The following NIPAL1 variants were observed in gnomAD, a reference collection of about 807,000 sequenced individuals.
NIPAL1 encodes the protein NIPA like domain containing 1, also known as magnesium transporter NIPA3.
Under a neutral mutation model 37.7 loss-of-function variants are expected in NIPAL1, and 35 were observed. The ratio of observed to expected loss-of-function variants is 0.93; its 90% confidence interval spans 0.71 to 1.23. The LOEUF (loss-of-function observed/expected upper bound fraction) is 1.23. Ranked by LOEUF, NIPAL1 falls within the 50% of genes most tolerant of loss-of-function variation. NIPAL1 has a pLI of 0.00. For synonymous variants in NIPAL1, 162 were observed against 183.0 expected (o/e 0.89, Z 0.93); for missense variants, 412 against 473.9 (o/e 0.87, Z 1.21).
chr4:48,035,019 G>A lies in NIPAL1; in HGVS notation c.600G>A (p.Met200Ile). The A allele has an allele frequency of 6.2e-7, 1 of 1,613,972 alleles. No homozygotes were observed. The highest frequency in any genetic ancestry group is 1.1e-5 in the South Asian group (1 of 91,062). ...AGGAAGTCACATCTTTGCATGAAAT[G>A]GAAATGAAATTGAGAGACCCAGGTC... is the stretch of plus-strand genomic sequence containing the variant. ...QEEEVTSLHEMEMKLRDPGFI... is the reference protein window; with the variant it reads ...QEEEVTSLHEIEMKLRDPGFI... The change falls in exon 5 of 6, where the codon ATG (methionine) becomes ATA (isoleucine). Residue 200 changes from methionine (M) to isoleucine (I), a missense_variant. Physicochemically the swap from Met to Ile is conservative, Grantham distance 10 (BLOSUM62 1). Transcript: ENST00000295461.
At chr4:48,024,983 C>A in intron 1 of NIPAL1, 85 bp from the exon 2 acceptor site, 1 of 1,228,948 alleles carries the variant, frequency 8.1e-7, no homozygotes, top group South Asian at 1.4e-5. Context: ...ACCATCCACT[C>A]AAGGCTCTGT....
At chr4:48,029,091 A>G (rs1188862696) in intron 2 of NIPAL1, among the ~76,000 whole-genome samples, 1 of 152,178 alleles carries the variant, frequency 6.6e-6, no homozygotes, top group Non-Finnish European at 1.5e-5. Flanking sequence ...AAAAGAAATC[A>G]TTTTATGAAA....
intron 2 of NIPAL1, among the ~76,000 whole-genome samples, chr4:48,028,607 G>T (rs1715746958): frequency 6.6e-6 from 1 of 151,890 alleles, no homozygotes; most frequent in Non-Finnish European, 1.5e-5. Context: ...TGCAGAGCAA[G>T]AAAAATAATC....
In NIPAL1 at chr4:48,035,550, T is replaced by G. The variant is rs767411419; in HGVS notation, c.623-12T>G. On this transcript the variant is annotated splice_polypyrimidine_tract_variant and intron_variant, in intron 5 of 5. Coordinates refer to ENST00000295461, the MANE Select transcript of NIPAL1 (RefSeq NM_207330.3). ...CATTTTCTAAAGTCAAATTCTTTTC[T>G]CCTTCTAACAGGGTTTATTTCCTTT... 6.3e-7 allele frequency: 1 copy of G among 1,586,832 alleles called. No homozygotes were observed. The highest frequency in any genetic ancestry group is 2.0e-5 in the Admixed American group (1 of 49,716).
At chr4:48,022,876 T>C (rs987973983) in intron 1 of NIPAL1, among the ~76,000 whole-genome samples, 1 of 151,980 alleles carries the variant, frequency 6.6e-6, no homozygotes, top group African/African-American at 2.4e-5. Flanking sequence ...TGGTTCCAGC[T>C]ACTTGGGAGG....
rs1390103488 is a variant in NIPAL1 at position 48,032,926 on chromosome 4, G to A, written c.371-67G>A. ...GTTAAAAGTCCACTGCTTTGCATGA[G>A]TCATTTGTTTTTCTCTTCTGACAAG... is the stretch of plus-strand genomic sequence containing the variant. On this transcript the variant is annotated intron_variant, in intron 3 of 5. Transcript: ENST00000295461. 15 of 1,057,292 alleles carry A rather than the reference G, an allele frequency of 1.4e-5. No individual in the cohort carries two copies. The East Asian group carries it at 2.9e-4, about 20-fold the overall frequency. The allele number at this position is 1,057,292 out of a possible 1,614,324, so 65.5% of individuals were successfully genotyped here.
rs1364815948 is a variant in NIPAL1 at position 48,035,779 on chromosome 4, G to C, written c.840G>C (p.Leu280=). The part of the protein sequence containing the change: ...VYKHPLVFVL[L]AVLVLSVTTQ... ...AACATCCGCTGGTCTTTGTTTTGCT[G>C]GCTGTACTTGTGCTTTCAGTAACTA... Residue 280 remains leucine, a synonymous_variant, in exon 6 of 6, where the codon CTG becomes CTC. Transcript: ENST00000295461. 1 of 1,614,160 alleles carries C rather than the reference G, an allele frequency of 6.2e-7. No homozygotes were observed. The highest frequency in any genetic ancestry group is 1.1e-5 in the South Asian group (1 of 91,078).
At chr4:48,032,752 A>G (rs1329093130) in intron 3 of NIPAL1, among the ~76,000 whole-genome samples, 1 of 152,238 alleles carries the variant, frequency 6.6e-6, no homozygotes, top group Non-Finnish European at 1.5e-5. Flanking sequence ...GCCATTTAAA[A>G]TGAGTACTCA....
intron 1 of NIPAL1, among the ~76,000 whole-genome samples, chr4:48,021,930 C>T (rs1715579873): frequency 6.6e-6 from 1 of 151,380 alleles, no homozygotes; most frequent in Non-Finnish European, 1.5e-5. Context: ...CCTAAATATT[C>T]ATTATTCTCT....
At position 48,016,888 on chromosome 4, in the gene NIPAL1, TTG is replaced by T. The variant is rs1715423257; in HGVS notation, c.46+7_46+8del. ...GCCCGGAGAGCCCTGCCGAGAAGGT[TTG>T]TGTCTGCCCTGAGCCGAGGGACCTG... On this transcript the variant is annotated splice_donor_5th_base_variant and intron_variant, in intron 1 of 5. Coordinates refer to ENST00000295461, the MANE Select transcript of NIPAL1 (RefSeq NM_207330.3). The T allele has an allele frequency of 4.4e-6, 7 of 1,596,948 alleles. No homozygotes were observed. The highest frequency in any genetic ancestry group is 3.3e-4 in the Middle Eastern group (2 of 6,070).
rs1258890473 is a variant in NIPAL1 at position 48,038,353 on chromosome 4, A to G, written c.*2181A>G. The G allele has an allele frequency of 6.6e-6, 1 of 152,192 alleles. No individual in the cohort carries two copies. Among genetic ancestry groups the G allele is most frequent in the Non-Finnish European group, 1.5e-5 (1 of 68,046 alleles). 9.4% of individuals were successfully genotyped at this position (152,192 alleles called of 1,614,324 possible). A position where few individuals can be genotyped will look rare whatever the true frequency, so the allele number is the denominator to read the frequency against. ...TAAGCTATGAACACAAGTTTGTAGTAAAAGTATCTTCTGTCTGGGCAATGG... is the reference window on the plus strand; with the variant it reads ...TAAGCTATGAACACAAGTTTGTAGTGAAAGTATCTTCTGTCTGGGCAATGG... On this transcript the variant is annotated 3_prime_UTR_variant, in exon 6 of 6. Transcript: ENST00000295461.
Position 48,031,842 on chromosome 4 carries a change from G to T in NIPAL1, c.371-1151G>T, listed in dbSNP as rs372147908. Among the ~76,000 whole-genome samples, 74 of 152,050 alleles carry T rather than the reference G, an allele frequency of 4.9e-4. 1 individual carries two copies. Among genetic ancestry groups the T allele is most frequent in the African/African-American group, 1.8e-3 (73 of 41,468 alleles). ...CAACCTCCGCCTCCCAGATTCAAAC[G>T]ATTCTCCTGCCTCAGCCTCCAGAGT... On this transcript the variant is annotated intron_variant, in intron 3 of 5. Transcript: ENST00000295461.
intron 1 of NIPAL1, 90 bp downstream of exon 1, chr4:48,016,975 G>T: frequency 9.0e-7 from 1 of 1,106,486 alleles, no homozygotes; most frequent in Non-Finnish European, 1.3e-6. Flanking sequence ...AGACTGGAAA[G>T]GGGGGCTGTA....
rs758255216 is a variant in NIPAL1, at chr4:48,033,132, G to A, written c.461+49G>A. The A allele has an allele frequency of 6.8e-6, 8 of 1,179,168 alleles. No homozygotes were observed. The Admixed American group carries it at 1.4e-4, about 21-fold the overall frequency. 73.0% of individuals were successfully genotyped at this position (1,179,168 alleles called of 1,614,324 possible). A position where few individuals can be genotyped will look rare whatever the true frequency, so the allele number is the denominator to read the frequency against. ...GCTTCTGTAGGTATTTTAAGACCAA[G>A]ATAAACTTAAACCATAATAAACATA... On this transcript the variant is annotated intron_variant, in intron 4 of 5. Coordinates refer to ENST00000295461, the MANE Select transcript of NIPAL1 (RefSeq NM_207330.3).
At chr4:48,020,434 T>C (rs1367314523) in intron 1 of NIPAL1, among the ~76,000 whole-genome samples, 1 of 152,206 alleles carries the variant, frequency 6.6e-6, no homozygotes, top group East Asian at 1.9e-4. Flanking sequence ...CTAATATGAA[T>C]AGGCAGGTAT....
At chr4:48,032,734 T>C (rs1356444402) in intron 3 of NIPAL1, among the ~76,000 whole-genome samples, 1 of 152,254 alleles carries the variant, frequency 6.6e-6, no homozygotes, top group Non-Finnish European at 1.5e-5. Flanking sequence ...TAAAAATTTC[T>C]ATTGAAAGCC....
rs765840734 is a variant in NIPAL1, at chr4:48,025,195, T to G, written c.174T>G (p.Ile58Met). Residue 58 changes from isoleucine (I) to methionine (M), a missense_variant, in exon 2 of 6, where the codon ATT becomes ATG. Physicochemically the swap from Ile to Met is conservative, Grantham distance 10. Coordinates refer to ENST00000295461, the MANE Select transcript of NIPAL1 (RefSeq NM_207330.3). ...ATTACAGCATAAACAACTTGAGCATTTCAGCAAATGTAGAAAACAAATACA... is the reference window on the plus strand; with the variant it reads ...ATTACAGCATAAACAACTTGAGCATGTCAGCAAATGTAGAAAACAAATACA... Reference protein sequence around the residue: ...DLNYSINNLSISANVENKYSL... With the variant: ...DLNYSINNLSMSANVENKYSL... The G allele has an allele frequency of 2.4e-5, 39 of 1,614,104 alleles. No individual in the cohort carries two copies. Among genetic ancestry groups the G allele is most frequent in the Admixed American group, 6.7e-5 (4 of 59,994 alleles).
chr4:48,027,678 A>G lies in NIPAL1; in HGVS notation c.313+2344A>G, dbSNP rs930452587. ...GCTAAGTATATTAAAATTGATAAGA[A>G]AACTCCATTTTCTATAGTAAATATA... On this transcript the variant is annotated intron_variant, in intron 2 of 5. Coordinates refer to ENST00000295461, the MANE Select transcript of NIPAL1 (RefSeq NM_207330.3). The surrounding 1 kb of genome is among the most constrained non-coding windows in gnomAD (Gnocchi z 4.1). Among the ~76,000 whole-genome samples, 2 of 152,218 alleles carry G rather than the reference A, an allele frequency of 1.3e-5. No homozygotes were observed. The highest frequency in any genetic ancestry group is 6.5e-5 in the Admixed American group (1 of 15,286).
intron 3 of NIPAL1, among the ~76,000 whole-genome samples, chr4:48,031,048 T>C (rs1387746831): frequency 6.6e-6 from 1 of 152,024 alleles, no homozygotes; most frequent in Non-Finnish European, 1.5e-5. Flanking sequence ...TGTGGATTTT[T>C]TTGGGGTTTT....
Sources: allele counts gnomAD v4.1 joint callset (sites outside exome capture counted in the v4.1 genomes callset), GRCh38; gene constraint gnomAD v4.1.1; non-coding constraint Gnocchi (gnomAD v3.1); transcripts MANE v1.5; gene names NCBI Gene and HGNC (gene_info 2026-07-23, HGNC 2026-07-21).